HMGCLL1: variants seen among roughly 807,000 people sequenced by gnomAD.
HMGCLL1 encodes the protein 3-hydroxymethyl-3-methylglutaryl-CoA lyase, cytoplasmic.
Under a neutral mutation model 39.1 loss-of-function variants are expected in HMGCLL1, and 36 were observed. The observed-to-expected ratio is 0.92, with a 90% CI of 0.71 to 1.22. The LOEUF (loss-of-function observed/expected upper bound fraction) is 1.22, where lower values mean the gene tolerates loss of function less well. Ranked by LOEUF, HMGCLL1 falls within the 50% of genes most tolerant of loss-of-function variation. The pLI is 0.00. For missense variants in HMGCLL1, 451 were observed against 416.5 expected (o/e 1.08, Z -0.72); for synonymous variants, 149 against 144.0 (o/e 1.03, Z -0.25).
chr6:55,649,901 G>A, the HMGCLL1 span, among the ~76,000 whole-genome samples: 15 of 150,698 alleles, frequency 1.0e-4, no homozygotes, highest in Non-Finnish European at 2.1e-4. Context: ...CCTGTCAGTT[G>A]CATCTTTCTA....
intron 3 of HMGCLL1, 148 bp downstream of exon 3, chr6:55,541,581 T>C: frequency 1.9e-6 from 1 of 533,850 alleles, no homozygotes; most frequent in East Asian, 3.2e-5. Context: ...CAAAGGGTTT[T>C]TATTTAATCA....
the HMGCLL1 span, among the ~76,000 whole-genome samples, chr6:55,651,948 C>G: frequency 6.6e-6 from 1 of 152,022 alleles, no homozygotes; most frequent in South Asian, 2.1e-4. Context: ...CTCTTTGGGT[C>G]ACGTGGCTGC....
At chr6:55,636,336 C>T in the HMGCLL1 span, among the ~76,000 whole-genome samples, 1 of 152,054 alleles carries the variant, frequency 6.6e-6, no homozygotes, top group Non-Finnish European at 1.5e-5. Flanking sequence ...CAAGATGGAA[C>T]ATCAACAGAA....
chr6:55,536,268 T>A (rs1046861653), intron 3 of HMGCLL1, among the ~76,000 whole-genome samples: 5 of 152,214 alleles, frequency 3.3e-5, no homozygotes, highest in African/African-American at 1.2e-4. Context: ...TTGTGACCCA[T>A]CTATTCCAAC....
chr6:55,515,362 T>C (rs767051843), intron 4 of HMGCLL1, among the ~76,000 whole-genome samples: 3 of 152,138 alleles, frequency 2.0e-5, no homozygotes, highest in African/African-American at 4.8e-5. Flanking sequence ...AAAATAAATT[T>C]TCAATTTCTA....
At chr6:55,435,871 C>T in intron 8 of HMGCLL1, 108 bp from the exon 9 acceptor site, 1 of 504,954 alleles carries the variant, frequency 2.0e-6, no homozygotes, top group East Asian at 3.3e-5. Context: ...TTTAAAATTA[C>T]TAAACAAAGT....
intron 7 of HMGCLL1, among the ~76,000 whole-genome samples, chr6:55,488,884 G>A (rs909868511): frequency 8.5e-5 from 13 of 152,066 alleles, no homozygotes; most frequent in Non-Finnish European, 1.9e-4. Flanking sequence ...TGAGAAAGCT[G>A]TTCAACTAAA....
At chr6:55,559,353 G>A (rs755009456) in intron 1 of HMGCLL1, among the ~76,000 whole-genome samples, 1 of 152,120 alleles carries the variant, frequency 6.6e-6, no homozygotes, top group South Asian at 2.1e-4. Context: ...TTGACCAGAA[G>A]GTTAAGTCTA....
At chr6:55,530,843 A>G (rs1409375172) in intron 3 of HMGCLL1, among the ~76,000 whole-genome samples, 2 of 152,170 alleles carry the variant, frequency 1.3e-5, no homozygotes, top group African/African-American at 4.8e-5. Context: ...TAGAAAAATC[A>G]CTTTATTTTT....
intron 7 of HMGCLL1, among the ~76,000 whole-genome samples, chr6:55,469,467 A>G (rs1381532350): frequency 6.1e-5 from 9 of 146,480 alleles, no homozygotes; most frequent in African/African-American, 2.3e-4. Flanking sequence ...ATGTGTATAT[A>G]TGTGTGTGTG....
In HMGCLL1 at chr6:55,569,833, G is replaced by A. The variant is rs138571845; in HGVS notation, c.108+9115C>T. Among the ~76,000 whole-genome samples the A allele has an allele frequency of 7.4e-4, 113 of 152,264 alleles. 3 individuals are homozygous for A. The highest frequency in any genetic ancestry group is 3.4e-3 in the Middle Eastern group (1 of 294). On this transcript the variant is annotated intron_variant, in intron 1 of 8. Transcript: ENST00000274901. ...TTGCTAATGGCACAGAGACAAAGCC[G>A]CACTCCCCTGGGATGCTGGCCTTGT...
chr6:55,650,134 TACACAC>T, the HMGCLL1 span, among the ~76,000 whole-genome samples: 1,693 of 52,864 alleles, frequency 0.032, 77 homozygotes, highest in African/African-American at 0.058. Flanking sequence ...TATATATATA[TACACAC>T]ACACACACAT....
intron 7 of HMGCLL1, among the ~76,000 whole-genome samples, chr6:55,456,123 C>A (rs935258670): frequency 6.6e-6 from 1 of 152,070 alleles, no homozygotes; most frequent in South Asian, 2.1e-4. Flanking sequence ...ACCATGATGG[C>A]CAGTGCTAAT....
chr6:55,586,772 C>T, the HMGCLL1 span, among the ~76,000 whole-genome samples: 11 of 152,000 alleles, frequency 7.2e-5, no homozygotes, highest in Non-Finnish European at 1.5e-4. Context: ...TGTATATGTG[C>T]CACATGTTCT....
At chr6:55,542,891 ATATT>A (rs1481964625) in intron 1 of HMGCLL1, among the ~76,000 whole-genome samples, 3 of 133,858 alleles carry the variant, frequency 2.2e-5, no homozygotes, top group Non-Finnish European at 4.6e-5. Flanking sequence ...ATATATTTAT[ATATT>A]TAGATTATTT....
intron 1 of HMGCLL1, among the ~76,000 whole-genome samples, chr6:55,573,254 A>T (rs1479692793): frequency 6.6e-6 from 1 of 152,194 alleles, no homozygotes; most frequent in African/African-American, 2.4e-5. Context: ...CACCAAAGAG[A>T]AATCCCACCT....
At chr6:55,598,803 C>T in the HMGCLL1 span, among the ~76,000 whole-genome samples, 2 of 152,154 alleles carry the variant, frequency 1.3e-5, no homozygotes, top group Non-Finnish European at 2.9e-5. Flanking sequence ...GTAAAACTAA[C>T]AAATGAACTC....
intron 5 of HMGCLL1, among the ~76,000 whole-genome samples, chr6:55,504,509 T>A (rs916133348): frequency 2.0e-5 from 3 of 151,732 alleles, no homozygotes; most frequent in Non-Finnish European, 4.4e-5. Context: ...GCCCACATGG[T>A]ATCACAAGAC....
At chr6:55,530,137 T>A (rs894270959) in intron 3 of HMGCLL1, among the ~76,000 whole-genome samples, 8 of 152,102 alleles carry the variant, frequency 5.3e-5, no homozygotes, top group Non-Finnish European at 1.0e-4. Context: ...CTACGTATTA[T>A]AAGCAGAATT....
Sources: gnomAD v4.1 joint callset for allele counts (sites outside exome capture counted in the v4.1 genomes callset) on GRCh38, gnomAD v4.1.1 for gene constraint, MANE v1.5 for transcripts, NCBI Gene and HGNC (gene_info 2026-07-23, HGNC 2026-07-21) for gene names.